TGFB2: variants seen among roughly 807,000 people sequenced by gnomAD.
The protein encoded by TGFB2 is transforming growth factor beta 2.
A neutral mutation model predicts 42.7 loss-of-function variants in TGFB2; 13 were observed. The ratio of observed to expected loss-of-function variants is 0.30; its 90% CI spans 0.20 to 0.48. TGFB2 has a LOEUF of 0.48. Ranked by LOEUF, TGFB2 falls within the 20% of genes least tolerant of loss-of-function variation. The pLI is 0.99. For missense variants in TGFB2, 390 were observed against 517.5 expected, an observed-to-expected ratio of 0.75 and a Z score of 2.39; for synonymous variants, 193 against 193.6, an observed-to-expected ratio of 1.00 and a Z score of 0.03.
At chr1:218,397,563 CA>C (rs759635592) in intron 1 of TGFB2, among the ~76,000 whole-genome samples, 20,695 of 91,388 alleles carry the variant, frequency 0.23, 1,569 homozygotes, top group East Asian at 0.47. Context: ...GACTCCGTCT[CA>C]AAAAAAAAAA....
At chr1:218,416,605 C>T (rs112939795) in intron 2 of TGFB2, among the ~76,000 whole-genome samples, 306 of 152,330 alleles carry the variant, frequency 2.0e-3, no homozygotes, top group African/African-American at 5.8e-3. Flanking sequence ...TCAGCCACCT[C>T]CCATGTCTCT....
rs2102628819 is a variant in TGFB2, at chr1:218,436,253, G to A, written c.932+106G>A. 3 of 1,138,864 alleles carry A rather than the reference G, an allele frequency of 2.6e-6. No homozygotes were observed. In the South Asian group the frequency reaches 4.6e-5, roughly 18 times the overall value. The allele number at this position is 1,138,864 out of a possible 1,614,324, so 70.5% of individuals were successfully genotyped here. On this transcript the variant is annotated intron_variant, in intron 5 of 6. Coordinates refer to ENST00000366930, the MANE Select transcript of TGFB2 (RefSeq NM_003238.6). ...GACCCAAGTGGAACTCACTGCTAAG[G>A]CCAGATAGAGTGCAGTACAGCTCCT...
intron 1 of TGFB2, among the ~76,000 whole-genome samples, chr1:218,388,291 C>A (rs535424557): frequency 6.6e-6 from 1 of 152,322 alleles, no homozygotes; most frequent in African/African-American, 2.4e-5. Context: ...GTCTGACCTG[C>A]GTCAGGCCAT....
intron 1 of TGFB2, among the ~76,000 whole-genome samples, chr1:218,393,748 G>A (rs1201471808): frequency 6.6e-6 from 1 of 152,144 alleles, no homozygotes; most frequent in Non-Finnish European, 1.5e-5. Flanking sequence ...GCAGAGAAGA[G>A]CTGCTTCAGT....
intron 1 of TGFB2, among the ~76,000 whole-genome samples, chr1:218,380,384 A>C (rs963726564): frequency 1.3e-5 from 2 of 152,192 alleles, no homozygotes; most frequent in African/African-American, 4.8e-5. Flanking sequence ...TGGTGCACAC[A>C]CATGCTAAGC....
intron 5 of TGFB2, among the ~76,000 whole-genome samples, 196 bp from the exon 6 acceptor site, chr1:218,437,147 A>G (rs2102629700): frequency 6.6e-6 from 1 of 152,300 alleles, no homozygotes; most frequent in African/African-American, 2.4e-5. Flanking sequence ...AATCACCACC[A>G]CATACAACAC....
chr1:218,434,011 T>C, intron 2 of TGFB2, 71 bp from the exon 3 acceptor site: 2 of 1,586,658 alleles, frequency 1.3e-6, no homozygotes, highest in Non-Finnish European at 1.7e-6. Flanking sequence ...AGAACACTGT[T>C]AATAGTTTTG....
intron 1 of TGFB2, among the ~76,000 whole-genome samples, chr1:218,403,764 A>T (rs2102593232): frequency 6.6e-6 from 1 of 152,342 alleles, no homozygotes; most frequent in South Asian, 2.1e-4. Context: ...AAACATTTAT[A>T]AAGAAACATG....
chr1:218,441,100 A>G (rs886111907), intron 6 of TGFB2, 104 bp from the exon 7 acceptor site: 4 of 1,089,016 alleles, frequency 3.7e-6, no homozygotes, highest in Non-Finnish European at 5.3e-6. Context: ...TAAATTGCCT[A>G]CTCAGTGCTG....
At chr1:218,367,090 G>A (rs945120165) in intron 1 of TGFB2, among the ~76,000 whole-genome samples, 4 of 152,312 alleles carry the variant, frequency 2.6e-5, no homozygotes, top group African/African-American at 2.4e-5. Context: ...GTGGGTGTTG[G>A]ATGTTATGTA....
At chr1:218,405,435 G>T in intron 2 of TGFB2, 103 bp downstream of exon 2, 1 of 1,583,100 alleles carries the variant, frequency 6.3e-7, no homozygotes, top group East Asian at 2.3e-5. Context: ...CATGATCACA[G>T]CTCACTGCAA....
At chr1:218,407,831 C>G (rs747681874) in intron 2 of TGFB2, among the ~76,000 whole-genome samples, 2 of 151,986 alleles carry the variant, frequency 1.3e-5, no homozygotes, top group African/African-American at 2.4e-5. Flanking sequence ...TTTCTCTTAC[C>G]CTTGGGATCA....
chr1:218,431,805 AT>A (rs1659815026), intron 2 of TGFB2, among the ~76,000 whole-genome samples: 1 of 152,196 alleles, frequency 6.6e-6, no homozygotes, highest in South Asian at 2.1e-4. Flanking sequence ...TGTTTTTCTT[AT>A]TCCTGTTCCA....
intron 2 of TGFB2, among the ~76,000 whole-genome samples, chr1:218,410,008 G>A (rs1027455678): frequency 2.0e-5 from 3 of 152,198 alleles, no homozygotes; most frequent in Non-Finnish European, 4.4e-5. Flanking sequence ...GAGCTTTTAC[G>A]AAGACTAACC....
intron 1 of TGFB2, among the ~76,000 whole-genome samples, chr1:218,364,180 C>T (rs1009217726): frequency 1.3e-5 from 2 of 152,112 alleles, no homozygotes; most frequent in Non-Finnish European, 1.5e-5. Context: ...TGACATGTCT[C>T]GTTTGCTTAA....
intron 1 of TGFB2, among the ~76,000 whole-genome samples, chr1:218,387,580 C>A (rs185679772): frequency 1.3e-5 from 2 of 151,982 alleles, no homozygotes; most frequent in African/African-American, 2.4e-5. Flanking sequence ...CTTTTAGACA[C>A]GAGGGAACCG....
intron 5 of TGFB2, among the ~76,000 whole-genome samples, chr1:218,436,609 G>C (rs1027588242): frequency 2.0e-5 from 3 of 152,188 alleles, no homozygotes; most frequent in Non-Finnish European, 4.4e-5. Context: ...TTTAGCAACA[G>C]CATATGAGAG....
In TGFB2 at chr1:218,444,276, A is replaced by G. The variant is rs1195103343; in HGVS notation, c.*2914A>G. ...TTTCCATCCAGCTTGACTGCCGACC[A>G]GAAAAAATGCAGAGAGATGTTTGCA... On this transcript the variant is annotated 3_prime_UTR_variant, in exon 7 of 7. Coordinates refer to ENST00000366930, the MANE Select transcript of TGFB2 (RefSeq NM_003238.6). 1 of 152,232 alleles carries G rather than the reference A, an allele frequency of 6.6e-6. No individual in the cohort carries two copies. Among genetic ancestry groups the G allele is most frequent in the African/African-American group, 2.4e-5 (1 of 41,450 alleles). 9.4% of individuals were successfully genotyped at this position (152,232 alleles called of 1,614,324 possible).
At chr1:218,382,150 T>C (rs1232137160) in intron 1 of TGFB2, among the ~76,000 whole-genome samples, 1 of 152,106 alleles carries the variant, frequency 6.6e-6, no homozygotes, top group African/African-American at 2.4e-5. Context: ...AATTAAGCTA[T>C]AGCATTGGAA....
Sources: gnomAD v4.1 joint callset for allele counts (sites outside exome capture counted in the v4.1 genomes callset) on GRCh38, gnomAD v4.1.1 for gene constraint, MANE v1.5 for transcripts, NCBI Gene and HGNC (gene_info 2026-07-23, HGNC 2026-07-21) for gene names.